Variants in COL4A1 observed in about 807,000 individuals in gnomAD.
COL4A1 encodes the protein collagen type IV alpha 1 chain, also known as collagen alpha-1(IV) chain.
A neutral mutation model predicts 216.6 loss-of-function variants in COL4A1; 40 were observed. The ratio of observed to expected loss-of-function variants is 0.18; its 90% CI spans 0.14 to 0.24. The LOEUF is 0.24. Among genes scored for constraint, COL4A1 ranks in the 10% least tolerant of loss-of-function variants. COL4A1 has a pLI of 1.00. For synonymous variants in COL4A1, 839 were observed against 810.7 expected, an observed-to-expected ratio of 1.03 and a Z score of -0.59; for missense variants, 1,628 against 2,196.8, an observed-to-expected ratio of 0.74 and a Z score of 5.18.
At chr13:110,289,139 T>C (rs72655732) in intron 1 of COL4A1, among the ~76,000 whole-genome samples, 6,864 of 152,260 alleles carry the variant, frequency 0.045, 203 homozygotes, top group Non-Finnish European at 0.071. Flanking sequence ...TGGCTTCCAT[T>C]CCAGATCTCC....
At position 110,179,373 on chromosome 13, in the gene COL4A1, G is replaced by C; in HGVS notation, c.2242C>G (p.Pro748Ala). Reference sequence around the variant, plus strand: ...TCCCCGGGTGTGCCAGGAATGCCGGGAAGACCTGGCAAACCTTTGAGTCCC... The same window carrying C: ...TCCCCGGGTGTGCCAGGAATGCCGGCAAGACCTGGCAAACCTTTGAGTCCC... ...LPGLKGLPGL[P>A]GIPGTPGEKG... is the part of the protein sequence containing the mutation. Residue 748 changes from proline to alanine, a missense_variant, in exon 30 of 52, where the codon CCC becomes GCC. By Grantham distance (27) the Pro-to-Ala change is conservative. This residue lies in a region of COL4A1 where 701 missense variants were observed against 892.5 expected (regional missense o/e 0.79). Transcript: ENST00000375820. The C allele has an allele frequency of 1.2e-6, 2 of 1,614,096 alleles. No individual in the cohort carries two copies. The highest frequency in any genetic ancestry group is 1.1e-5 in the South Asian group (1 of 91,082).
At chr13:110,150,845 A>C (rs1370102537) in intron 51 of COL4A1, among the ~76,000 whole-genome samples, 1 of 152,236 alleles carries the variant, frequency 6.6e-6, no homozygotes, top group Non-Finnish European at 1.5e-5. Context: ...AGAAGATATT[A>C]TTCTTCTCTG....
intron 1 of COL4A1, among the ~76,000 whole-genome samples, chr13:110,246,487 C>T (rs1881818587): frequency 6.6e-6 from 1 of 152,176 alleles, no homozygotes; most frequent in Non-Finnish European, 1.5e-5. Flanking sequence ...AAAAGGGGTA[C>T]ATAAATAATG....
At chr13:110,170,501 A>T in intron 42 of COL4A1, 46 bp downstream of exon 42, 1 of 1,549,012 alleles carries the variant, frequency 6.5e-7, no homozygotes, top group Non-Finnish European at 8.7e-7. Flanking sequence ...CCTTTTGTGA[A>T]TTCTGTCCCA....
intron 1 of COL4A1, among the ~76,000 whole-genome samples, chr13:110,306,638 G>A (rs1201537750): frequency 6.6e-6 from 1 of 152,218 alleles, no homozygotes; most frequent in East Asian, 1.9e-4. Context: ...CCCGCGACGC[G>A]GGTTCAAATC....
chr13:110,204,668 A>G (rs1879406266), intron 17 of COL4A1, among the ~76,000 whole-genome samples: 1 of 103,068 alleles, frequency 9.7e-6, no homozygotes, highest in African/African-American at 3.5e-5. Flanking sequence ...TTTTTTAGTT[A>G]GTTCCCCAAC....
At chr13:110,229,097 T>C (rs1480643798) in intron 2 of COL4A1, among the ~76,000 whole-genome samples, 1 of 152,240 alleles carries the variant, frequency 6.6e-6, no homozygotes, top group African/African-American at 2.4e-5. Flanking sequence ...ACCGCTCCCC[T>C]TTCCTCAGAA....
intron 46 of COL4A1, among the ~76,000 whole-genome samples, chr13:110,163,984 C>CTTTTTT (rs58236306): frequency 2.3e-4 from 25 of 110,252 alleles, no homozygotes; most frequent in African/African-American, 3.7e-4. Flanking sequence ...TTCTCTCTCT[C>CTTTTTT]TTTTTTTTTT....
rs964196873 is a variant in COL4A1 at position 110,150,020 on chromosome 13, C to T, written c.*343G>A. 12 of 361,414 alleles carry T rather than the reference C, an allele frequency of 3.3e-5. No individual in the cohort carries two copies. The East Asian group carries it at 8.1e-4, about 24-fold the overall frequency. The allele number at this position is 361,414 out of a possible 1,614,324, so 22.4% of individuals were successfully genotyped here. ...ATTATAATACAAGAATGAAAATGGG[C>T]AAACAGTATGGAAGGCACCCACACC... On this transcript the variant is annotated 3_prime_UTR_variant, in exon 52 of 52. Transcript: ENST00000375820.
chr13:110,289,783 A>G (rs1884011584), intron 1 of COL4A1, among the ~76,000 whole-genome samples: 1 of 152,202 alleles, frequency 6.6e-6, no homozygotes, highest in Non-Finnish European at 1.5e-5. Context: ...GAAATGGAAC[A>G]TGAGATGCTC....
intron 1 of COL4A1, among the ~76,000 whole-genome samples, chr13:110,287,489 A>G (rs1883889822): frequency 6.6e-6 from 1 of 152,216 alleles, no homozygotes; most frequent in South Asian, 2.1e-4. Flanking sequence ...CGGTTTTTCC[A>G]TTGGAACATG....
intron 1 of COL4A1, among the ~76,000 whole-genome samples, chr13:110,272,425 T>C (rs892552549): frequency 7.2e-5 from 11 of 152,240 alleles, no homozygotes; most frequent in African/African-American, 2.7e-4. Context: ...GCACACTTCT[T>C]TCTAAGAAAC....
chr13:110,242,864 T>G, intron 1 of COL4A1, 130 bp from the exon 2 acceptor site: 2 of 988,416 alleles, frequency 2.0e-6, no homozygotes. Context: ...GACACAATCT[T>G]ATCTGCACTG....
chr13:110,197,048 G>A (rs1878929879), intron 21 of COL4A1, among the ~76,000 whole-genome samples: 1 of 152,086 alleles, frequency 6.6e-6, no homozygotes, highest in East Asian at 1.9e-4. Context: ...ATTAACAAGA[G>A]TGTAAAGTTC....
At chr13:110,281,139 G>A (rs1883618655) in intron 1 of COL4A1, among the ~76,000 whole-genome samples, 1 of 152,120 alleles carries the variant, frequency 6.6e-6, no homozygotes, top group African/African-American at 2.4e-5. Flanking sequence ...ACTGGCTTGT[G>A]TAAGCCACAA....
intron 36 of COL4A1, 57 bp downstream of exon 36, chr13:110,176,367 G>A: frequency 8.7e-7 from 1 of 1,153,062 alleles, no homozygotes; most frequent in South Asian, 1.2e-5. Context: ...CTGCAGACAT[G>A]CCCTACCAGT....
rs777366210 is a variant in COL4A1 at position 110,198,540 on chromosome 13, T to C, written c.1212A>G (p.Pro404=). 7 of 1,614,132 alleles carry C rather than the reference T, an allele frequency of 4.3e-6. No homozygotes were observed. In the South Asian group the frequency reaches 7.7e-5, roughly 18 times the overall value. Residue 404 remains proline (P), a synonymous_variant, in exon 21 of 52, where the codon CCA becomes CCG. Transcript: ENST00000375820. ...GDRGFPGTSL[P]GPSGRDGLPG... ...GGAGCCCATCTCTTCCACTTGGTCC[T>C]GGCAGAGATGTACCAGGAAATCCTC...
Position 110,207,529 on chromosome 13 carries a change from C to T in COL4A1, c.694-40G>A. The T allele has an allele frequency of 6.5e-7, 1 of 1,530,376 alleles. No homozygotes were observed. The highest frequency in any genetic ancestry group is 1.1e-5 in the South Asian group (1 of 89,188). The allele number at this position is 1,530,376 out of a possible 1,614,324, so 94.8% of individuals were successfully genotyped here. The stretch of plus-strand genomic sequence containing the variant: ...ATGTAAAATTAATTAGGCATGAAAA[C>T]AATTATGCAGACATGAAAAATTGCA... On this transcript the variant is annotated intron_variant, in intron 12 of 51. Coordinates refer to ENST00000375820, the MANE Select transcript of COL4A1 (RefSeq NM_001845.6). This position sits in a 1 kb window ranked among gnomAD's most constrained non-coding sequence, Gnocchi z 4.4.
At chr13:110,257,865 A>G (rs1311449915) in intron 1 of COL4A1, among the ~76,000 whole-genome samples, 1 of 152,274 alleles carries the variant, frequency 6.6e-6, no homozygotes, top group Non-Finnish European at 1.5e-5. Flanking sequence ...TTCCAAAGGA[A>G]CCTAAGAAGA....
Sources: gnomAD v4.1 joint callset for allele counts (sites outside exome capture counted in the v4.1 genomes callset) on GRCh38, gnomAD v4.1.1 for gene constraint, gnomAD v4.1.1 regional missense constraint, Gnocchi (gnomAD v3.1) non-coding constraint, MANE v1.5 for transcripts, NCBI Gene and HGNC (gene_info 2026-07-23, HGNC 2026-07-21) for gene names.